Variants in BAX observed in about 807,000 individuals in gnomAD.
BAX encodes the protein BCL2 associated X, apoptosis regulator, also known as apoptosis regulator BAX.
BAX carries 21 observed loss-of-function variants against 26.8 expected under a neutral mutation model. That is an observed-to-expected ratio of 0.78 (90% confidence interval 0.56 to 1.13). The LOEUF (loss-of-function observed/expected upper bound fraction) is 1.13. Among genes scored for constraint, BAX ranks in the 50% most tolerant of loss-of-function variants. BAX has a pLI of 0.00. For synonymous variants in BAX, 110 were observed against 101.8 expected, an observed-to-expected ratio of 1.08 and a Z score of -0.49; for missense variants, 236 against 254.6, an observed-to-expected ratio of 0.93 and a Z score of 0.50.
chr19:48,955,852 C>A lies in BAX; in HGVS notation c.233+19C>A. The A allele has an allele frequency of 6.4e-7, 1 of 1,554,400 alleles. No homozygotes were observed. Among genetic ancestry groups the A allele is most frequent in the Non-Finnish European group, 8.7e-7 (1 of 1,148,088 alleles). ...TGCAGAGGTGTGGGCCCCTGAGGAC[C>A]CAGAAGTCCAGCCACTGGGCTCCTT... On this transcript the variant is annotated intron_variant, in intron 3 of 5. Coordinates refer to ENST00000345358, the MANE Select transcript of BAX (RefSeq NM_138761.4).
intron 1 of BAX, 94 bp from the exon 2 acceptor site, chr19:48,955,454 C>T: frequency 2.8e-6 from 4 of 1,423,718 alleles, no homozygotes; most frequent in Non-Finnish European, 2.8e-6. Flanking sequence ...GGGTCCCCAG[C>T]TCTGTCCTCC....
intron 4 of BAX, among the ~76,000 whole-genome samples, chr19:48,959,109 G>C (rs947186676): frequency 1.8e-4 from 28 of 151,772 alleles, no homozygotes; most frequent in Non-Finnish European, 3.5e-4. Context: ...CCAGCACTTT[G>C]GGAGGCCGAG....
rs566817615 is a variant in BAX at position 48,961,683 on chromosome 19, A to G, written c.*47A>G. The G allele has an allele frequency of 5.2e-5, 64 of 1,232,508 alleles. No homozygotes were observed. In the South Asian group the frequency reaches 9.5e-4, roughly 18 times the overall value. The allele number at this position is 1,232,508 out of a possible 1,614,324, so 76.3% of individuals were successfully genotyped here. On this transcript the variant is annotated 3_prime_UTR_variant, in exon 6 of 6. Coordinates refer to ENST00000345358, the MANE Select transcript of BAX (RefSeq NM_138761.4). ...GTGTTTTTCCTCCATAAATTATGGCATTTTTCTGGGAGGGGTGGGGATTGG... is the reference window on the plus strand; with the variant it reads ...GTGTTTTTCCTCCATAAATTATGGCGTTTTTCTGGGAGGGGTGGGGATTGG...
chr19:48,955,105 C>T (rs2038070855), intron 1 of BAX, 143 bp downstream of exon 1: 1 of 1,014,254 alleles, frequency 9.9e-7, no homozygotes, highest in Non-Finnish European at 1.3e-6. Flanking sequence ...GCCTCCAGTC[C>T]CCTCCGTCCT....
chr19:48,955,518 A>G (rs1255494194), intron 1 of BAX, 30 bp from the exon 2 acceptor site: 2 of 1,604,540 alleles, frequency 1.2e-6, no homozygotes, highest in Non-Finnish European at 1.7e-6. Flanking sequence ...CCAAGAGTCC[A>G]GGTACCTCTT....
At chr19:48,957,483 C>T (rs1462548049) in intron 4 of BAX, among the ~76,000 whole-genome samples, 1 of 151,356 alleles carries the variant, frequency 6.6e-6, no homozygotes, top group Non-Finnish European at 1.5e-5. Flanking sequence ...CCATGTTGGC[C>T]AGGCTGGTCT....
intron 4 of BAX, 77 bp from the exon 5 acceptor site, chr19:48,960,733 C>T: frequency 7.9e-7 from 1 of 1,264,382 alleles, no homozygotes. Flanking sequence ...AAAGAATTGA[C>T]AAAGGAGGTT....
chr19:48,961,137 C>T, intron 5 of BAX: 1 of 1,545,600 alleles, frequency 6.5e-7, no homozygotes, highest in South Asian at 1.2e-5. Flanking sequence ...CTCCCAGTGA[C>T]CCCTGACCTC....
At chr19:48,956,538 C>G (rs1024912474) in intron 4 of BAX, among the ~76,000 whole-genome samples, 1 of 152,114 alleles carries the variant, frequency 6.6e-6, no homozygotes, top group African/African-American at 2.4e-5. Flanking sequence ...ATACCTGGCA[C>G]CTGGGACACA....
intron 4 of BAX, among the ~76,000 whole-genome samples, chr19:48,958,345 ATTTTTTTTTTT>A (rs34043541): frequency 4.7e-5 from 3 of 64,476 alleles, no homozygotes; most frequent in East Asian, 6.6e-4. Context: ...TTTTTGGAAG[ATTTTTTTTTTT>A]TTTTTTTTTT....
intron 5 of BAX, 100 bp downstream of exon 5, chr19:48,961,014 TTCTGGAGCAGG>T (rs751880977): frequency 3.7e-6 from 6 of 1,611,212 alleles, no homozygotes; most frequent in Non-Finnish European, 4.2e-6. Flanking sequence ...ACCCTGGGCC[TTCTGGAGCAGG>T]TCACAGTGGT....
intron 4 of BAX, among the ~76,000 whole-genome samples, chr19:48,959,732 A>G (rs185349751): frequency 4.6e-5 from 7 of 151,052 alleles, no homozygotes; most frequent in Non-Finnish European, 7.4e-5. Flanking sequence ...AGGCTCAGGC[A>G]GGAGGATCAC....
intron 4 of BAX, among the ~76,000 whole-genome samples, chr19:48,959,108 T>C (rs1186735123): frequency 2.0e-5 from 3 of 151,002 alleles, no homozygotes; most frequent in Non-Finnish European, 1.5e-5. Context: ...CCCAGCACTT[T>C]GGGAGGCCGA....
At chr19:48,957,683 T>C (rs543994014) in intron 4 of BAX, among the ~76,000 whole-genome samples, 8 of 152,318 alleles carry the variant, frequency 5.3e-5, no homozygotes, top group African/African-American at 1.7e-4. Context: ...CTAGCAAGTA[T>C]AGATGCCCCT....
chr19:48,955,405 C>G (rs534197032), intron 1 of BAX, 143 bp from the exon 2 acceptor site: 41 of 886,608 alleles, frequency 4.6e-5, no homozygotes, highest in Admixed American at 9.2e-5. Context: ...GTTGTCTGGG[C>G]CCCCCCGTCA....
chr19:48,957,113 G>C (rs1285467562), intron 4 of BAX, among the ~76,000 whole-genome samples: 2 of 150,740 alleles, frequency 1.3e-5, no homozygotes, highest in East Asian at 4.0e-4. Context: ...CAAAGGCCCT[G>C]AGGTAGGACC....
At chr19:48,955,450 C>T in intron 1 of BAX, 98 bp from the exon 2 acceptor site, 1 of 1,400,666 alleles carries the variant, frequency 7.1e-7, no homozygotes. Context: ...TCCAGGGTCC[C>T]CAGCTCTGTC....
chr19:48,960,957 ACCACCGCCCCTGCC>A lies in BAX; in HGVS notation c.474+50_474+63del. 6.2e-7 allele frequency: 1 copy of A among 1,609,332 alleles called. No homozygotes were observed. The highest frequency in any genetic ancestry group is 8.5e-7 in the Non-Finnish European group (1 of 1,178,704). Reference sequence around the variant, plus strand: ...TCCTCACCCCCACCACCGCGCCCTCACCACCGCCCCTGCCCCACCGTCCCTGCCCCCCGCCACTC... The same window carrying A: ...TCCTCACCCCCACCACCGCGCCCTCACCACCGTCCCTGCCCCCCGCCACTC... On this transcript the variant is annotated intron_variant, in intron 5 of 5. Transcript: ENST00000345358.
intron 4 of BAX, among the ~76,000 whole-genome samples, chr19:48,959,341 C>T (rs2038258075): frequency 1.1e-5 from 1 of 91,862 alleles, no homozygotes; most frequent in Admixed American, 1.4e-4. Context: ...CAGAGTGAGA[C>T]TCCGTCTCAA....
Sources: allele counts gnomAD v4.1 joint callset (sites outside exome capture counted in the v4.1 genomes callset), GRCh38; gene constraint gnomAD v4.1.1; transcripts MANE v1.5; gene names NCBI Gene and HGNC (gene_info 2026-07-23, HGNC 2026-07-21).